The following SCLT1 variants were observed in gnomAD, a reference collection of about 807,000 sequenced individuals.
The protein encoded by SCLT1 is sodium channel and clathrin linker 1, also known as sodium channel-associated protein 1.
In SCLT1, 78 loss-of-function variants were observed where a neutral mutation model predicts 112.8. The observed-to-expected ratio is 0.69, with a 90% CI of 0.58 to 0.83. SCLT1 has a LOEUF of 0.83. SCLT1 is among the 40% of genes least tolerant of loss of function. The pLI, the probability that SCLT1 is intolerant of heterozygous loss-of-function variation, is 0.00. For missense variants in SCLT1, 747 were observed against 770.4 expected (o/e 0.97, Z 0.36); for synonymous variants, 257 against 254.7 (o/e 1.01, Z -0.09).
chr4:129,071,910 C>T (rs1388956912), intron 2 of SCLT1, among the ~76,000 whole-genome samples: 3 of 151,878 alleles, frequency 2.0e-5, no homozygotes, highest in Admixed American at 2.0e-4. Context: ...TTTATAGGTC[C>T]TGTGTGATTT....
rs573995211 is a variant in SCLT1, at chr4:128,957,195, A to G, written c.1048-71T>C. On this transcript the variant is annotated intron_variant, in intron 12 of 20. Transcript: ENST00000281142. ...TAAAGATAATAACAGGTGAAAACCT[A>G]TCCACTAGTCACTTCCTTATTCAAA... The G allele has an allele frequency of 3.9e-5, 32 of 825,618 alleles. No homozygotes were observed. In the East Asian group the frequency reaches 8.4e-4, roughly 22 times the overall value. 51.1% of individuals were successfully genotyped at this position (825,618 alleles called of 1,614,324 possible). A position where few individuals can be genotyped will look rare whatever the true frequency, so the allele number is the denominator to read the frequency against.
At chr4:128,910,451 G>C (rs143369866) in intron 18 of SCLT1, among the ~76,000 whole-genome samples, 16 of 152,064 alleles carry the variant, frequency 1.1e-4, no homozygotes, top group African/African-American at 3.9e-4. Context: ...CTTTCTATTA[G>C]GTTGTTAACC....
intron 18 of SCLT1, among the ~76,000 whole-genome samples, chr4:128,931,989 T>C (rs1026128178): frequency 5.3e-5 from 8 of 151,850 alleles, no homozygotes; most frequent in African/African-American, 1.7e-4. Context: ...TGGTTTAATA[T>C]CACTGGTATG....
intron 2 of SCLT1, among the ~76,000 whole-genome samples, chr4:129,073,322 C>T (rs1205932699): frequency 1.3e-5 from 2 of 152,124 alleles, no homozygotes; most frequent in African/African-American, 4.8e-5. Context: ...GCTACTCTGT[C>T]CATTGTATTT....
At chr4:129,076,154 A>T (rs1310662193) in intron 2 of SCLT1, among the ~76,000 whole-genome samples, 1 of 152,044 alleles carries the variant, frequency 6.6e-6, no homozygotes, top group East Asian at 1.9e-4. Context: ...ATTCCTTCAC[A>T]TCTCTTTCAT....
rs559663903 is a variant in SCLT1, at chr4:128,912,747, G to GTA, written c.1830-21612_1830-21611dup. On this transcript the variant is annotated intron_variant, in intron 18 of 20. Coordinates refer to ENST00000281142, the MANE Select transcript of SCLT1 (RefSeq NM_144643.4). ...TTCGCCCTCCTCCTCCTTTTTCTTTGTATATATATATAAATAGAGACAGGG... is the reference window on the plus strand; with the variant it reads ...TTCGCCCTCCTCCTCCTTTTTCTTTGTATATATATATATAAATAGAGACAGGG... 1.1e-3 allele frequency among the ~76,000 whole-genome samples: 163 copies of GTA among 147,024 alleles called. 1 individual carries two copies. The highest frequency in any genetic ancestry group is 1.2e-3 in the East Asian group (6 of 5,018).
At chr4:128,895,723 C>T (rs931436217) in intron 18 of SCLT1, among the ~76,000 whole-genome samples, 25 of 152,264 alleles carry the variant, frequency 1.6e-4, no homozygotes, top group African/African-American at 5.1e-4. Context: ...TAGCATGAGC[C>T]GAAGCAGGGC....
chr4:129,085,774 A>G (rs1752339324), intron 1 of SCLT1, among the ~76,000 whole-genome samples: 1 of 152,212 alleles, frequency 6.6e-6, no homozygotes. Context: ...CAGAAAACCA[A>G]GTACGGCATG....
intron 2 of SCLT1, among the ~76,000 whole-genome samples, chr4:129,052,337 G>A (rs1579855769): frequency 1.3e-5 from 2 of 152,306 alleles, no homozygotes; most frequent in East Asian, 1.9e-4. Flanking sequence ...GAATCCGGCT[G>A]TGAATCCATC....
chr4:128,975,332 C>A (rs1283378449), intron 9 of SCLT1, among the ~76,000 whole-genome samples: 4 of 152,038 alleles, frequency 2.6e-5, no homozygotes, highest in Non-Finnish European at 5.9e-5. Context: ...AGCCACCACA[C>A]CCGGCCAACA....
chr4:128,962,638 A>G (rs1405744589), intron 11 of SCLT1, among the ~76,000 whole-genome samples: 1 of 152,158 alleles, frequency 6.6e-6, no homozygotes, highest in Non-Finnish European at 1.5e-5. Flanking sequence ...ATATTCCAAC[A>G]TAAGACCCAC....
intron 4 of SCLT1, among the ~76,000 whole-genome samples, chr4:129,040,592 A>G (rs570844956): frequency 6.6e-6 from 1 of 152,352 alleles, no homozygotes; most frequent in South Asian, 2.1e-4. Flanking sequence ...CGCTCTCACT[A>G]TAAATTCCTT....
chr4:128,918,835 C>T (rs932346109), intron 18 of SCLT1, among the ~76,000 whole-genome samples: 3 of 152,110 alleles, frequency 2.0e-5, no homozygotes, highest in African/African-American at 7.2e-5. Flanking sequence ...CAAAGAATAA[C>T]ATTACATAAT....
At chr4:128,935,858 T>G (rs1453947130) in intron 18 of SCLT1, among the ~76,000 whole-genome samples, 2 of 152,132 alleles carry the variant, frequency 1.3e-5, no homozygotes, top group African/African-American at 4.8e-5. Context: ...AAAAATCATG[T>G]GTATGTTAAT....
intron 2 of SCLT1, among the ~76,000 whole-genome samples, chr4:129,052,730 C>T (rs1165417138): frequency 6.6e-6 from 1 of 152,152 alleles, no homozygotes; most frequent in Admixed American, 6.5e-5. Context: ...CTATCTCCTT[C>T]AGCTCTGCTC....
At chr4:128,950,049 T>C (rs994484009) in intron 14 of SCLT1, among the ~76,000 whole-genome samples, 13 of 152,122 alleles carry the variant, frequency 8.5e-5, no homozygotes, top group Admixed American at 3.3e-4. Context: ...TACAAATCAG[T>C]TGACAAATTT....
At chr4:128,919,574 GAA>G (rs999207067) in intron 18 of SCLT1, among the ~76,000 whole-genome samples, 2 of 151,954 alleles carry the variant, frequency 1.3e-5, no homozygotes, top group African/African-American at 4.8e-5. Context: ...TGAACTGAAG[GAA>G]ATAGAGATGC....
Position 128,913,436 on chromosome 4 carries a change from A to G in SCLT1, c.1830-22299T>C, listed in dbSNP as rs916987926. ...AAGGGATGATGGGGGAGGAGTTGCA[A>G]AAAGATTTGAGGACAGAATAAAGGG... On this transcript the variant is annotated intron_variant, in intron 18 of 20. Transcript: ENST00000281142. 2.6e-5 allele frequency among the ~76,000 whole-genome samples: 4 copies of G among 152,246 alleles called. No individual in the cohort carries two copies. The South Asian group carries it at 6.2e-4, about 24-fold the overall frequency.
At chr4:129,052,609 T>G (rs1329253235) in intron 2 of SCLT1, among the ~76,000 whole-genome samples, 1 of 152,138 alleles carries the variant, frequency 6.6e-6, no homozygotes, top group African/African-American at 2.4e-5. Flanking sequence ...TCTATTTGAT[T>G]CTTCTCTCTT....
Sources: gnomAD v4.1 joint callset for allele counts (sites outside exome capture counted in the v4.1 genomes callset) on GRCh38, gnomAD v4.1.1 for gene constraint, MANE v1.5 for transcripts, NCBI Gene and HGNC (gene_info 2026-07-23, HGNC 2026-07-21) for gene names.